SH2B2: variants seen among roughly 807,000 people sequenced by gnomAD.
SH2B2 encodes the protein SH2B adapter protein 2.
SH2B2 carries 37 observed loss-of-function variants against 35.7 expected under a neutral mutation model. The ratio of observed to expected loss-of-function variants is 1.04; its 90% CI spans 0.80 to 1.36. The LOEUF is 1.36. Among genes scored for constraint, SH2B2 ranks in the 40% most tolerant of loss-of-function variants. The probability of loss-of-function intolerance (pLI) is 0.00; values close to 1 mark genes in which losing one functional copy is unlikely to be tolerated. For missense variants in SH2B2, 852 were observed against 817.7 expected, an observed-to-expected ratio of 1.04 and a Z score of -0.51; for synonymous variants, 383 against 376.4, an observed-to-expected ratio of 1.02 and a Z score of -0.20.
Position 102,286,902 on chromosome 7 carries a change from G to A in SH2B2, c.-222G>A, listed in dbSNP as rs537487046. On this transcript the variant is annotated 5_prime_UTR_variant, in exon 1 of 9. Transcript: ENST00000444095. ...TGGGGCTGGGCTTGGAGCGCGCGGAGCTCGGCTGCCAGAGAGCCGCGCGGG... is the reference window on the plus strand; with the variant it reads ...TGGGGCTGGGCTTGGAGCGCGCGGAACTCGGCTGCCAGAGAGCCGCGCGGG... 4.1e-5 allele frequency: 6 copies of A among 147,812 alleles called. No homozygotes were observed. The highest frequency in any genetic ancestry group is 1.5e-4 in the African/African-American group (6 of 40,832). 9.2% of individuals were successfully genotyped at this position (147,812 alleles called of 1,614,324 possible).
intron 6 of SH2B2, among the ~76,000 whole-genome samples, chr7:102,316,886 G>A (rs991030308): frequency 6.6e-6 from 1 of 152,062 alleles, no homozygotes; most frequent in Non-Finnish European, 1.5e-5. Flanking sequence ...GGGTGTGGTG[G>A]TGGGCGCCTG....
At chr7:102,288,061 G>T in intron 1 of SH2B2, among the ~76,000 whole-genome samples, 1 of 152,068 alleles carries the variant, frequency 6.6e-6, no homozygotes, top group Non-Finnish European at 1.5e-5. Flanking sequence ...CCTGCCTCCT[G>T]GCTAAGGGAC....
intron 4 of SH2B2, among the ~76,000 whole-genome samples, chr7:102,310,209 G>A (rs532848329): frequency 2.6e-5 from 4 of 152,150 alleles, no homozygotes; most frequent in Non-Finnish European, 4.4e-5. Context: ...CCAGCTACTC[G>A]AGAGGCTGAG....
At chr7:102,290,640 G>A (rs1296629201) in intron 1 of SH2B2, among the ~76,000 whole-genome samples, 2 of 152,188 alleles carry the variant, frequency 1.3e-5, no homozygotes, top group African/African-American at 2.4e-5. Flanking sequence ...ACCACTGCGT[G>A]GTGGCCAGAG....
intron 4 of SH2B2, chr7:102,309,351 CTCTCTTT>C: frequency 9.8e-6 from 3 of 305,524 alleles, no homozygotes; most frequent in South Asian, 2.6e-5. Context: ...CTCTCTCTCT[CTCTCTTT>C]TTTTTTTTTT....
chr7:102,312,591 T>C (rs1793668759), intron 4 of SH2B2, among the ~76,000 whole-genome samples: 2 of 152,196 alleles, frequency 1.3e-5, no homozygotes, highest in Admixed American at 1.3e-4. Flanking sequence ...TGAATGGGGG[T>C]CTTATGACCT....
rs1793752145 is a variant in SH2B2 at position 102,314,686 on chromosome 7, C to G, written c.1186+4C>G. ...GGCAGTGACAGCAATAACACAGGTGCCAGTGGGGACAGCCTGCTCTTCCCA... is the reference window on the plus strand; with the variant it reads ...GGCAGTGACAGCAATAACACAGGTGGCAGTGGGGACAGCCTGCTCTTCCCA... On this transcript the variant is annotated splice_donor_region_variant and intron_variant, in intron 6 of 8. Transcript: ENST00000444095. The G allele has an allele frequency of 5.0e-6, 2 of 398,726 alleles. No homozygotes were observed. Among genetic ancestry groups the G allele is most frequent in the Non-Finnish European group, 8.8e-6 (2 of 226,190 alleles). The allele number at this position is 398,726 out of a possible 1,614,324, so 24.7% of individuals were successfully genotyped here.
intron 2 of SH2B2, 117 bp downstream of exon 2, chr7:102,301,396 T>A: frequency 8.0e-7 from 1 of 1,251,770 alleles, no homozygotes; most frequent in Non-Finnish European, 1.1e-6. Flanking sequence ...GTTGACAGGG[T>A]GAAGTATTTG....
chr7:102,320,551 T>C (rs1554558233), intron 8 of SH2B2, 49 bp downstream of exon 8: 1 of 1,581,054 alleles, frequency 6.3e-7, no homozygotes, highest in Non-Finnish European at 8.6e-7. Flanking sequence ...AGACTTCCCG[T>C]TGATTACTCA....
At position 102,308,314 on chromosome 7, in the gene SH2B2, G is replaced by C. The variant is rs139191124; in HGVS notation, c.832-501G>C. Among the ~76,000 whole-genome samples the C allele has an allele frequency of 7.7e-3, 1,169 of 152,364 alleles. 22 individuals are homozygous for C. The highest frequency in any genetic ancestry group is 0.026 in the African/African-American group (1,101 of 41,584). ...GGGTTATGCTCTGGGCCTGGCCCCAGCAGGGATGTCTCCTGCCCTCTTCCC... is the reference window on the plus strand; with the variant it reads ...GGGTTATGCTCTGGGCCTGGCCCCACCAGGGATGTCTCCTGCCCTCTTCCC... On this transcript the variant is annotated intron_variant, in intron 3 of 8. Coordinates refer to ENST00000444095, the MANE Select transcript of SH2B2 (RefSeq NM_001359228.2).
At chr7:102,305,277 A>G (rs1319746528) in intron 2 of SH2B2, among the ~76,000 whole-genome samples, 1 of 150,940 alleles carries the variant, frequency 6.6e-6, no homozygotes, top group Non-Finnish European at 1.5e-5. Context: ...ATTTTATTTT[A>G]TATTTTGAGA....
intron 4 of SH2B2, among the ~76,000 whole-genome samples, chr7:102,313,899 A>G (rs1343215770): frequency 5.3e-5 from 8 of 151,566 alleles, no homozygotes; most frequent in Non-Finnish European, 1.0e-4. Context: ...CAACAGAGTG[A>G]GACTCCGTCT....
At position 102,317,236 on chromosome 7, in the gene SH2B2, A is replaced by G. The variant is rs1344068425; in HGVS notation, c.1236A>G (p.Leu412=). Residue 412 remains leucine, a synonymous_variant, in exon 7 of 9, where the codon CTA becomes CTG. Transcript: ENST00000444095. The part of the protein sequence containing the change: ...TDPEAEPELE[L]SDYPWFHGTL... Reference sequence around the variant, plus strand: ...CCGAGGCTGAACCCGAGCTGGAGCTATCCGACTACCCATGGTTCCACGGGA... The same window carrying G: ...CCGAGGCTGAACCCGAGCTGGAGCTGTCCGACTACCCATGGTTCCACGGGA... 21 of 1,612,224 alleles carry G rather than the reference A, an allele frequency of 1.3e-5. No homozygotes were observed. Among genetic ancestry groups the G allele is most frequent in the Non-Finnish European group, 1.5e-5 (18 of 1,179,256 alleles).
At chr7:102,293,097 G>C (rs1344276900) in intron 1 of SH2B2, 2 of 154,578 alleles carry the variant, frequency 1.3e-5, no homozygotes, top group Non-Finnish European at 1.5e-5. Context: ...GATTGGTCGC[G>C]GGCCCATTAG....
chr7:102,304,131 C>T (rs909365112), intron 2 of SH2B2, among the ~76,000 whole-genome samples: 15 of 152,268 alleles, frequency 9.9e-5, no homozygotes, highest in African/African-American at 3.6e-4. Context: ...AATGATACCC[C>T]CACTGCCTCT....
At chr7:102,308,968 C>A (rs980510914) in intron 4 of SH2B2, 62 bp downstream of exon 4, 2 of 1,302,614 alleles carry the variant, frequency 1.5e-6, no homozygotes, top group African/African-American at 1.5e-5. Context: ...GTCCAGCCTT[C>A]ACCAGGAGCA....
At chr7:102,310,377 A>G (rs1473975034) in intron 4 of SH2B2, among the ~76,000 whole-genome samples, 7 of 152,214 alleles carry the variant, frequency 4.6e-5, no homozygotes, top group African/African-American at 1.4e-4. Context: ...ACTCGCAGGG[A>G]ACATCAAGGC....
rs1554553504 is a variant in SH2B2, at chr7:102,300,770, G to A, written c.220G>A (p.Gly74Ser). The change falls in exon 2 of 9, where the codon GGC becomes AGC. Residue 74 changes from glycine to serine, a missense_variant. Gly to Ser is a moderately conservative substitution (Grantham distance 56). Transcript: ENST00000444095. ...HFAANFLDVF[G>S]EEVRRVLVAG... Reference sequence around the variant, plus strand: ...CGCCGCCAACTTCCTGGACGTCTTCGGCGAGGAGGTGCGCCGCGTGCTGGT... The same window carrying A: ...CGCCGCCAACTTCCTGGACGTCTTCAGCGAGGAGGTGCGCCGCGTGCTGGT... 2.0e-6 allele frequency: 3 copies of A among 1,531,656 alleles called. No homozygotes were observed. Among genetic ancestry groups the A allele is most frequent in the Non-Finnish European group, 2.6e-6 (3 of 1,134,678 alleles). 94.9% of individuals were successfully genotyped at this position (1,531,656 alleles called of 1,614,324 possible). A position where few individuals can be genotyped will look rare whatever the true frequency, so the allele number is the denominator to read the frequency against.
intron 2 of SH2B2, among the ~76,000 whole-genome samples, chr7:102,304,859 G>T (rs1309692640): frequency 1.3e-5 from 2 of 152,244 alleles, no homozygotes; most frequent in African/African-American, 4.8e-5. Flanking sequence ...CTGGACAGGG[G>T]CCAGTTCTTC....
Sources: gnomAD v4.1 joint callset for allele counts (sites outside exome capture counted in the v4.1 genomes callset) on GRCh38, gnomAD v4.1.1 for gene constraint, MANE v1.5 for transcripts, NCBI Gene and HGNC (gene_info 2026-07-23, HGNC 2026-07-21) for gene names.